Variants in EPHA6 observed in about 807,000 individuals in gnomAD.
EPHA6 encodes ephrin type-A receptor 6.
EPHA6 carries 50 observed loss-of-function variants against 112.0 expected under a neutral mutation model. The observed-to-expected ratio is 0.45, with a 90% CI of 0.36 to 0.56. The LOEUF is 0.56. EPHA6 is among the 20% of genes least tolerant of loss of function. The probability of loss-of-function intolerance (pLI) is 0.00; values close to 1 mark genes in which losing one functional copy is unlikely to be tolerated. For synonymous variants in EPHA6, 529 were observed against 490.7 expected (o/e 1.08, Z -1.03); for missense variants, 1,280 against 1,417.4 (o/e 0.90, Z 1.56).
chr3:96,908,123 A>G (rs1046682620), intron 2 of EPHA6, among the ~76,000 whole-genome samples: 1 of 151,984 alleles, frequency 6.6e-6, no homozygotes. Context: ...ATCTAAACAT[A>G]GAAAGGGTAC....
chr3:97,154,114 G>A (rs960204403), intron 3 of EPHA6, among the ~76,000 whole-genome samples: 4 of 150,658 alleles, frequency 2.7e-5, no homozygotes, highest in East Asian at 2.0e-4. Flanking sequence ...GCAGCGAGCC[G>A]AGATCATGCC....
At chr3:97,134,662 A>G (rs1330410021) in intron 3 of EPHA6, among the ~76,000 whole-genome samples, 5 of 152,190 alleles carry the variant, frequency 3.3e-5, no homozygotes, top group African/African-American at 1.2e-4. Flanking sequence ...CAGTAACTAT[A>G]TCTCATTAGA....
intron 3 of EPHA6, among the ~76,000 whole-genome samples, chr3:97,069,234 G>A (rs528461065): frequency 2.0e-5 from 3 of 152,216 alleles, no homozygotes; most frequent in South Asian, 4.1e-4. Flanking sequence ...AAGTAAGCTA[G>A]AGAAAAGACA....
chr3:97,225,989 A>C (rs1173793921), intron 3 of EPHA6, among the ~76,000 whole-genome samples: 1 of 152,118 alleles, frequency 6.6e-6, no homozygotes, highest in African/African-American at 2.4e-5. Context: ...TTTTGTGTGC[A>C]CGTGCCCGTG....
At chr3:96,883,663 T>C (rs561675865) in intron 2 of EPHA6, among the ~76,000 whole-genome samples, 55 of 152,058 alleles carry the variant, frequency 3.6e-4, no homozygotes, top group African/African-American at 1.3e-3. Context: ...ACCATTTTGT[T>C]TGGTTTGGTT....
chr3:97,492,538 A>C (rs2091869792), intron 10 of EPHA6, among the ~76,000 whole-genome samples: 1 of 121,782 alleles, frequency 8.2e-6, no homozygotes, highest in African/African-American at 3.1e-5. Flanking sequence ...CGAGAGTGAG[A>C]CTCAGTCTCA....
At chr3:97,170,592 C>G (rs1352234799) in intron 3 of EPHA6, among the ~76,000 whole-genome samples, 1 of 151,918 alleles carries the variant, frequency 6.6e-6, no homozygotes, top group Non-Finnish European at 1.5e-5. Context: ...TAAAAATTAC[C>G]CAGGTGTCAT....
rs151152050 is a variant in EPHA6, at chr3:97,160,496, T to C, written c.1115-65768T>C. On this transcript the variant is annotated intron_variant, in intron 3 of 17. Transcript: ENST00000389672. The stretch of plus-strand genomic sequence containing the variant: ...GGTTTCATCATGTTGGCCAGGCTGG[T>C]TTCGAACTCCTGACCTCAAGTGATC... Among the ~76,000 whole-genome samples the C allele has an allele frequency of 7.4e-3, 1,131 of 152,070 alleles. 17 individuals are homozygous for C. Among genetic ancestry groups the C allele is most frequent in the African/African-American group, 0.026 (1,059 of 41,490 alleles).
In EPHA6 at chr3:97,448,633, T is replaced by G. The variant is rs748035899; in HGVS notation, c.1797T>G (p.Leu599=). ...CCCCCAGTGTCATCATCACAGGTCT[T>G]AAGCCAGCCACCAAATATGTATTTC... The part of the protein sequence containing the change: ...SKAPSVIITG[L]KPATKYVFHI... Residue 599 remains leucine (L), a synonymous_variant, in exon 7 of 18, where the codon CTT becomes CTG. Transcript: ENST00000389672. 2 of 1,613,616 alleles carry G rather than the reference T, an allele frequency of 1.2e-6. No individual in the cohort carries two copies.
intron 10 of EPHA6, among the ~76,000 whole-genome samples, chr3:97,528,517 A>G (rs755563730): frequency 2.6e-5 from 4 of 152,108 alleles, no homozygotes; most frequent in Non-Finnish European, 5.9e-5. Flanking sequence ...GGCAAGTATG[A>G]GCAAAGAAAC....
intron 14 of EPHA6, among the ~76,000 whole-genome samples, chr3:97,638,459 A>G (rs1233248734): frequency 6.6e-6 from 1 of 152,192 alleles, no homozygotes; most frequent in Non-Finnish European, 1.5e-5. Flanking sequence ...CAGTAATATG[A>G]GGAACCAGTG....
intron 10 of EPHA6, among the ~76,000 whole-genome samples, chr3:97,532,072 G>T (rs1383932370): frequency 6.6e-6 from 1 of 151,972 alleles, no homozygotes; most frequent in Non-Finnish European, 1.5e-5. Flanking sequence ...AATTACATTA[G>T]CATTACCCAT....
intron 3 of EPHA6, among the ~76,000 whole-genome samples, chr3:97,157,072 T>C (rs767102813): frequency 6.6e-6 from 1 of 152,140 alleles, no homozygotes; most frequent in Non-Finnish European, 1.5e-5. Flanking sequence ...ATATCTGTTG[T>C]AGGGGATCTG....
At chr3:97,090,431 G>A (rs1182505372) in intron 3 of EPHA6, among the ~76,000 whole-genome samples, 4 of 151,960 alleles carry the variant, frequency 2.6e-5, no homozygotes, top group African/African-American at 9.7e-5. Flanking sequence ...AAATAAAAGG[G>A]TGGTTAGACA....
chr3:97,096,108 G>A (rs79753666), intron 3 of EPHA6, among the ~76,000 whole-genome samples: 12 of 151,852 alleles, frequency 7.9e-5, no homozygotes, highest in African/African-American at 2.9e-4. Flanking sequence ...GGAAGCAATG[G>A]GTTTTGATTT....
chr3:97,596,885 TATA>T, intron 12 of EPHA6, among the ~76,000 whole-genome samples: 1 of 133,842 alleles, frequency 7.5e-6, no homozygotes, highest in Non-Finnish European at 1.5e-5. Context: ...AATATATATA[TATA>T]TATATATATA....
intron 2 of EPHA6, among the ~76,000 whole-genome samples, chr3:96,868,606 C>T (rs1374639906): frequency 6.6e-6 from 1 of 151,860 alleles, no homozygotes; most frequent in Non-Finnish European, 1.5e-5. Context: ...ACCATTTTAA[C>T]AATTACACTT....
chr3:97,633,991 G>T (rs972175079), intron 13 of EPHA6, among the ~76,000 whole-genome samples: 5 of 152,032 alleles, frequency 3.3e-5, no homozygotes, highest in African/African-American at 1.2e-4. Flanking sequence ...GACCTTAGAA[G>T]TCTTTATATG....
intron 3 of EPHA6, among the ~76,000 whole-genome samples, chr3:97,158,586 G>A (rs987095522): frequency 1.3e-5 from 2 of 152,134 alleles, no homozygotes; most frequent in Admixed American, 6.6e-5. Context: ...AAATTTAAAC[G>A]GGAAAGGGTG....
Sources: allele counts gnomAD v4.1 joint callset (sites outside exome capture counted in the v4.1 genomes callset), GRCh38; gene constraint gnomAD v4.1.1; transcripts MANE v1.5; gene names NCBI Gene and HGNC (gene_info 2026-07-23, HGNC 2026-07-21).